Variants in WWP1 observed in about 807,000 individuals in gnomAD.
WWP1 encodes WW domain containing E3 ubiquitin protein ligase 1, also known as NEDD4-like E3 ubiquitin-protein ligase WWP1.
In WWP1, 49 loss-of-function variants were observed where a neutral mutation model predicts 130.6. The observed-to-expected ratio is 0.38, with a 90% CI of 0.30 to 0.48. The LOEUF is 0.48. WWP1 is among the 20% of genes least tolerant of loss of function. The pLI, the probability that WWP1 is intolerant of heterozygous loss-of-function variation, is 0.99. For missense variants in WWP1, 809 were observed against 1,100.6 expected, an observed-to-expected ratio of 0.74 and a Z score of 3.75; for synonymous variants, 332 against 367.8, an observed-to-expected ratio of 0.90 and a Z score of 1.11.
intron 22 of WWP1, among the ~76,000 whole-genome samples, 198 bp downstream of exon 22, chr8:86,458,223 TGAA>T (rs1811564228): frequency 1.3e-5 from 2 of 152,214 alleles, no homozygotes; most frequent in Admixed American, 1.3e-4. Context: ...CTTGCTGAAA[TGAA>T]GGAGTTGAGT....
intron 1 of WWP1, among the ~76,000 whole-genome samples, chr8:86,364,076 G>A (rs1823824059): frequency 6.6e-6 from 1 of 152,122 alleles, no homozygotes. Context: ...GTGATGCAGG[G>A]CTATTTAGAA....
chr8:86,410,693 T>C (rs1429487200), intron 8 of WWP1, among the ~76,000 whole-genome samples: 1 of 135,902 alleles, frequency 7.4e-6, no homozygotes, highest in Non-Finnish European at 1.6e-5. Flanking sequence ...AAATTCATTT[T>C]CTTCTACTTA....
At chr8:86,425,174 T>G in intron 9 of WWP1, 49 bp from the exon 10 acceptor site, 1 of 1,464,950 alleles carries the variant, frequency 6.8e-7, no homozygotes, top group Non-Finnish European at 9.3e-7. Flanking sequence ...ATTTTTAAGA[T>G]TGTCCTAGTG....
At chr8:86,415,421 C>A (rs1034023326) in intron 9 of WWP1, among the ~76,000 whole-genome samples, 3 of 152,150 alleles carry the variant, frequency 2.0e-5, no homozygotes, top group African/African-American at 7.2e-5. Context: ...ATCTCTTCAT[C>A]CATCTGATTT....
intron 3 of WWP1, among the ~76,000 whole-genome samples, chr8:86,374,974 A>G (rs1312784524): frequency 1.3e-5 from 2 of 152,042 alleles, no homozygotes; most frequent in Non-Finnish European, 2.9e-5. Flanking sequence ...CACCCTCCCA[A>G]ATTGAGCCAC....
At chr8:86,444,972 G>A (rs760432505) in intron 18 of WWP1, among the ~76,000 whole-genome samples, 1 of 152,118 alleles carries the variant, frequency 6.6e-6, no homozygotes, top group South Asian at 2.1e-4. Context: ...GGCTGTACAA[G>A]AAGCATGGTG....
chr8:86,390,730 G>T (rs1299056768), intron 5 of WWP1, among the ~76,000 whole-genome samples: 2 of 150,178 alleles, frequency 1.3e-5, no homozygotes, highest in Non-Finnish European at 3.0e-5. Context: ...GGGAGAGGGG[G>T]AGGGAGGAGG....
At chr8:86,450,611 A>T (rs910264889) in intron 20 of WWP1, among the ~76,000 whole-genome samples, 3 of 152,236 alleles carry the variant, frequency 2.0e-5, no homozygotes, top group African/African-American at 2.4e-5. Context: ...ACATTTTATC[A>T]CTGTAATACT....
intron 1 of WWP1, among the ~76,000 whole-genome samples, chr8:86,344,962 A>T (rs1474131015): frequency 1.3e-5 from 2 of 152,138 alleles, no homozygotes; most frequent in African/African-American, 2.4e-5. Context: ...TTGAATTGGG[A>T]GTGAAACAAT....
chr8:86,463,803 G>A (rs1163418668), intron 24 of WWP1, among the ~76,000 whole-genome samples: 4 of 151,952 alleles, frequency 2.6e-5, no homozygotes, highest in Non-Finnish European at 5.9e-5. Context: ...GCTCACACCT[G>A]TAATCCCAGC....
intron 8 of WWP1, among the ~76,000 whole-genome samples, chr8:86,408,952 AT>A (rs1808428480): frequency 6.6e-6 from 1 of 152,008 alleles, no homozygotes; most frequent in African/African-American, 2.4e-5. Flanking sequence ...TCTTGAAGTA[AT>A]CTTGTTGTTG....
Position 86,457,925 on chromosome 8 carries a change from T to C in WWP1, c.2399T>C (p.Met800Thr), listed in dbSNP as rs766362220. ...GATTCTGTGCTCATTTCCCAGGTTA[T>C]GTTGTGTGGCATGCAGGAGGTTGAC... ...QYFDEKELEV[M>T]LCGMQEVDLA... Residue 800 changes from methionine to threonine, a missense_variant, in exon 22 of 25, where the codon ATG (methionine) becomes ACG (threonine). Met to Thr is a moderately conservative substitution (Grantham distance 81). Transcript: ENST00000517970. 1 of 1,613,022 alleles carries C rather than the reference T, an allele frequency of 6.2e-7. No individual in the cohort carries two copies. The highest frequency in any genetic ancestry group is 8.5e-7 in the Non-Finnish European group (1 of 1,179,144).
chr8:86,424,290 G>A (rs539308363), intron 9 of WWP1, among the ~76,000 whole-genome samples: 58 of 150,484 alleles, frequency 3.9e-4, no homozygotes, highest in East Asian at 1.8e-3. Flanking sequence ...ACAGGATGGC[G>A]GCCGGGAAGA....
intron 1 of WWP1, among the ~76,000 whole-genome samples, chr8:86,354,117 C>T (rs1193186803): frequency 6.6e-6 from 1 of 152,154 alleles, no homozygotes. Context: ...AAGTTAACTT[C>T]AGATTAAGCC....
chr8:86,349,894 A>G (rs1426604172), intron 1 of WWP1, among the ~76,000 whole-genome samples: 1 of 151,926 alleles, frequency 6.6e-6, no homozygotes, highest in Non-Finnish European at 1.5e-5. Context: ...ATGGGCAGAG[A>G]TCGATTCCCT....
chr8:86,428,190 C>T lies in WWP1; in HGVS notation c.1332+373C>T, dbSNP rs188730769. Among the ~76,000 whole-genome samples, 3 of 152,186 alleles carry T rather than the reference C, an allele frequency of 2.0e-5. No homozygotes were observed. The East Asian group carries it at 5.8e-4, about 29-fold the overall frequency. ...GTTACTTTATTATTTTACTTAGAGCCAGTCTTGCAGTATGCTACCTATTCT... is the reference window on the plus strand; with the variant it reads ...GTTACTTTATTATTTTACTTAGAGCTAGTCTTGCAGTATGCTACCTATTCT... On this transcript the variant is annotated intron_variant, in intron 11 of 24. Transcript: ENST00000517970.
chr8:86,432,303 G>T (rs1810024444), intron 14 of WWP1, among the ~76,000 whole-genome samples: 1 of 152,064 alleles, frequency 6.6e-6, no homozygotes, highest in Non-Finnish European at 1.5e-5. Context: ...AATCCTAAAA[G>T]GTCTTTTGCA....
Position 86,376,949 on chromosome 8 carries a change from A to T in WWP1, c.70+2829A>T, listed in dbSNP as rs539478830. 1.8e-4 allele frequency among the ~76,000 whole-genome samples: 28 copies of T among 152,290 alleles called. No individual in the cohort carries two copies. In the East Asian group the frequency reaches 2.3e-3, roughly 13 times the overall value. On this transcript the variant is annotated intron_variant, in intron 3 of 24. Coordinates refer to ENST00000517970, the MANE Select transcript of WWP1 (RefSeq NM_007013.4). ...TCTCACAATAACTTCTGCAATAAAG[A>T]TTACTACTCCTGATTTGTCAGTGAG... is the stretch of plus-strand genomic sequence containing the variant.
chr8:86,438,779 TAAC>T (rs1159169954), intron 17 of WWP1, 106 bp downstream of exon 17: 13 of 944,386 alleles, frequency 1.4e-5, no homozygotes, highest in African/African-American at 3.3e-5. Context: ...ATTTTTGAAT[TAAC>T]AATCCAGAAT....
Sources: allele counts gnomAD v4.1 joint callset (sites outside exome capture counted in the v4.1 genomes callset), GRCh38; gene constraint gnomAD v4.1.1; transcripts MANE v1.5; gene names NCBI Gene and HGNC (gene_info 2026-07-23, HGNC 2026-07-21).